LCOR: variants seen among roughly 807,000 people sequenced by gnomAD.
LCOR encodes the protein ligand dependent nuclear receptor corepressor.
LCOR carries 14 observed loss-of-function variants against 64.4 expected under a neutral mutation model. That is an observed-to-expected ratio of 0.22 (90% confidence interval 0.14 to 0.34). The LOEUF is 0.34. Ranked by LOEUF, LCOR falls within the 10% of genes least tolerant of loss-of-function variation. The probability of loss-of-function intolerance (pLI) is 1.00; values close to 1 mark genes in which losing one functional copy is unlikely to be tolerated. For synonymous variants in LCOR, 643 were observed against 642.5 expected, an observed-to-expected ratio of 1.00 and a Z score of -0.01; for missense variants, 1,686 against 1,765.3, an observed-to-expected ratio of 0.96 and a Z score of 0.80.
rs373436637 is a variant in LCOR, at chr10:96,921,898, A to G, written c.-184+14151A>G. ...ACATCTGAGCGTTTATTTCTGGACT[A>G]TCTATTTCTGTTTCATTAGTCTATG... On this transcript the variant is annotated intron_variant, in intron 4 of 7. Transcript: ENST00000421806. Among the ~76,000 whole-genome samples, 7 of 152,316 alleles carry G rather than the reference A, an allele frequency of 4.6e-5. No individual in the cohort carries two copies. In the East Asian group the frequency reaches 5.8e-4, roughly 13 times the overall value.
At chr10:96,972,035 A>G (rs1390089130) in intron 7 of LCOR, among the ~76,000 whole-genome samples, 1 of 151,990 alleles carries the variant, frequency 6.6e-6, no homozygotes, top group Non-Finnish European at 1.5e-5. Context: ...GTTTCTAGAG[A>G]GGGGTGGGGT....
intron 4 of LCOR, among the ~76,000 whole-genome samples, chr10:96,909,471 G>A (rs1016584809): frequency 2.8e-4 from 43 of 152,150 alleles, no homozygotes; most frequent in African/African-American, 9.9e-4. Context: ...TTACTTGTCA[G>A]TTAATATTCT....
At position 96,956,644 on chromosome 10, in the gene LCOR, A is replaced by G. The variant is rs932530504; in HGVS notation, c.332+4448A>G. 5.1e-6 allele frequency: 5 copies of G among 985,776 alleles called. No homozygotes were observed. The African/African-American group carries it at 5.2e-5, about 10-fold the overall frequency. The allele number at this position is 985,776 out of a possible 1,614,324, so 61.1% of individuals were successfully genotyped here. A position where few individuals can be genotyped will look rare whatever the true frequency, so the allele number is the denominator to read the frequency against. ...GCTTCAGTTAATTACTTTGAACACT[A>G]CCTTTGCTGTAATTTCATTTGAGAT... is the stretch of plus-strand genomic sequence containing the variant. On this transcript the variant is annotated intron_variant, in intron 7 of 7. Coordinates refer to ENST00000421806, the MANE Select transcript of LCOR (RefSeq NM_001346516.2).
chr10:96,955,098 A>G, intron 7 of LCOR: 1 of 1,614,218 alleles, frequency 6.2e-7, no homozygotes, highest in Non-Finnish European at 8.5e-7. Context: ...CCTGCAGATT[A>G]GTGAAGAACT....
intron 4 of LCOR, among the ~76,000 whole-genome samples, chr10:96,942,790 T>C (rs917710944): frequency 6.6e-6 from 1 of 152,206 alleles, no homozygotes; most frequent in Non-Finnish European, 1.5e-5. Context: ...TTAATTCCTT[T>C]TCATTGTGCC....
chr10:96,967,731 A>C (rs997374112), intron 7 of LCOR, among the ~76,000 whole-genome samples: 3 of 152,226 alleles, frequency 2.0e-5, no homozygotes, highest in Non-Finnish European at 4.4e-5. Flanking sequence ...AGATCTGGAT[A>C]TCATGTTTAG....
chr10:96,930,587 C>A (rs1309431675), intron 4 of LCOR, among the ~76,000 whole-genome samples: 1 of 152,162 alleles, frequency 6.6e-6, no homozygotes, highest in Non-Finnish European at 1.5e-5. Context: ...GAATAACTTC[C>A]TAAAGCATTT....
At chr10:96,942,946 T>C (rs182476008) in intron 4 of LCOR, among the ~76,000 whole-genome samples, 71 of 152,344 alleles carry the variant, frequency 4.7e-4, no homozygotes, top group Non-Finnish European at 9.4e-4. Context: ...ACTTTTATTT[T>C]CTGTTATTGT....
At chr10:96,890,700 G>A (rs1216928496) in intron 2 of LCOR, among the ~76,000 whole-genome samples, 1 of 151,916 alleles carries the variant, frequency 6.6e-6, no homozygotes, top group Non-Finnish European at 1.5e-5. Context: ...TCATAACCAG[G>A]GTTATGAAAA....
rs1847748715 is a variant in LCOR at position 96,955,219 on chromosome 10, A to G, written c.332+3023A>G. 2.5e-6 allele frequency: 4 copies of G among 1,614,040 alleles called. No individual in the cohort carries two copies. In the African/African-American group the frequency reaches 5.3e-5, roughly 22 times the overall value. ...GAAGCCTCTTGGGCAAAACCACATTACGAGTTCAACCTCAGCCGTATGAAG... is the reference window on the plus strand; with the variant it reads ...GAAGCCTCTTGGGCAAAACCACATTGCGAGTTCAACCTCAGCCGTATGAAG... On this transcript the variant is annotated intron_variant, in intron 7 of 7. Coordinates refer to ENST00000421806, the MANE Select transcript of LCOR (RefSeq NM_001346516.2).
intron 4 of LCOR, among the ~76,000 whole-genome samples, chr10:96,919,942 C>G (rs1847018870): frequency 6.6e-6 from 1 of 152,120 alleles, no homozygotes; most frequent in African/African-American, 2.4e-5. Context: ...ATAAATAATT[C>G]TGCTATGAAC....
chr10:96,931,540 G>T (rs768450757), intron 4 of LCOR, among the ~76,000 whole-genome samples: 7 of 151,928 alleles, frequency 4.6e-5, no homozygotes, highest in Non-Finnish European at 7.4e-5. Context: ...TGGCAGCATT[G>T]GTAGTTTCTA....
At chr10:96,858,026 A>G (rs1204267620) in intron 2 of LCOR, among the ~76,000 whole-genome samples, 2 of 152,224 alleles carry the variant, frequency 1.3e-5, no homozygotes, top group Non-Finnish European at 2.9e-5. Flanking sequence ...TTAAGGAAAA[A>G]TAAAAACTAA....
At chr10:96,835,368 G>A (rs182430517) in intron 2 of LCOR, among the ~76,000 whole-genome samples, 2 of 152,266 alleles carry the variant, frequency 1.3e-5, no homozygotes, top group Admixed American at 1.3e-4. Flanking sequence ...GTAAAGTTCA[G>A]AAGATTATAG....
chr10:96,861,371 G>A (rs1305026743), intron 2 of LCOR, among the ~76,000 whole-genome samples: 1 of 152,148 alleles, frequency 6.6e-6, no homozygotes, highest in African/African-American at 2.4e-5. Context: ...TTTTGACAGT[G>A]GTAGTGTGAG....
chr10:96,866,943 T>G (rs1845984700), intron 2 of LCOR, among the ~76,000 whole-genome samples: 1 of 152,066 alleles, frequency 6.6e-6, no homozygotes, highest in Non-Finnish European at 1.5e-5. Context: ...GAGAGATTGG[T>G]TTTTCCACAT....
intron 2 of LCOR, among the ~76,000 whole-genome samples, chr10:96,841,847 A>G (rs1019544989): frequency 6.6e-6 from 1 of 151,602 alleles, no homozygotes; most frequent in African/African-American, 2.4e-5. Context: ...CAGTCCTCCC[A>G]CCTCAACGTC....
chr10:96,982,114 A>G lies in LCOR; in HGVS notation c.1654A>G (p.Arg552Gly). 3 of 1,614,190 alleles carry G rather than the reference A, an allele frequency of 1.9e-6. No individual in the cohort carries two copies. The highest frequency in any genetic ancestry group is 2.5e-6 in the Non-Finnish European group (3 of 1,180,030). ...PKQTLTIPAPRHTVDVQLPRE... is the reference protein window; with the variant it reads ...PKQTLTIPAPGHTVDVQLPRE... Reference sequence around the variant, plus strand: ...GCAGACCCTTACAATTCCAGCCCCTAGACATACAGTAGATGTGCAGCTTCC... The same window carrying G: ...GCAGACCCTTACAATTCCAGCCCCTGGACATACAGTAGATGTGCAGCTTCC... Residue 552 changes from arginine (R) to glycine (G), a missense_variant, in exon 8 of 8, where the codon AGA (arginine) becomes GGA (glycine). This residue lies in a region of LCOR where 1,293 missense variants were observed against 1,410.4 expected (regional missense o/e 0.92). Coordinates refer to ENST00000421806, the MANE Select transcript of LCOR (RefSeq NM_001346516.2).
At chr10:96,874,812 A>T (rs1160278186) in intron 2 of LCOR, among the ~76,000 whole-genome samples, 1 of 151,656 alleles carries the variant, frequency 6.6e-6, no homozygotes, top group African/African-American at 2.4e-5. Flanking sequence ...TAATTTTTGT[A>T]TTTTTAGTAG....
Sources: allele counts gnomAD v4.1 joint callset (sites outside exome capture counted in the v4.1 genomes callset), GRCh38; gene constraint gnomAD v4.1.1; regional missense constraint gnomAD v4.1.1; transcripts MANE v1.5; gene names NCBI Gene and HGNC (gene_info 2026-07-23, HGNC 2026-07-21).